The following MAST2 variants were observed in gnomAD, a reference collection of about 807,000 sequenced individuals.
MAST2 encodes the protein microtubule-associated serine/threonine-protein kinase 2.
Under a neutral mutation model 147.4 loss-of-function variants are expected in MAST2, and 70 were observed. That is an observed-to-expected ratio of 0.47 (90% CI 0.39 to 0.58). MAST2 has a LOEUF of 0.58. Among genes scored for constraint, MAST2 ranks in the 20% least tolerant of loss-of-function variants. MAST2 has a pLI of 0.00. For synonymous variants in MAST2, 869 were observed against 896.8 expected (o/e 0.97, Z 0.55); for missense variants, 2,080 against 2,302.3 (o/e 0.90, Z 1.98).
chr1:45,812,298 G>A (rs555913365), intron 1 of MAST2, among the ~76,000 whole-genome samples: 88 of 152,234 alleles, frequency 5.8e-4, no homozygotes, highest in Non-Finnish European at 1.0e-3. Flanking sequence ...AGTACTGGGA[G>A]CAGAGAGTCT....
intron 3 of MAST2, among the ~76,000 whole-genome samples, chr1:45,866,637 CTT>C (rs1270548306): frequency 6.6e-6 from 1 of 152,140 alleles, no homozygotes; most frequent in African/African-American, 2.4e-5. Context: ...CCTCTCGAGT[CTT>C]TGTTTCTATC....
intron 4 of MAST2, among the ~76,000 whole-genome samples, chr1:45,927,025 C>T (rs1654479543): frequency 6.6e-6 from 1 of 152,116 alleles, no homozygotes; most frequent in Non-Finnish European, 1.5e-5. Context: ...AATTTTAAAG[C>T]TGGGTGTCCG....
intron 3 of MAST2, among the ~76,000 whole-genome samples, chr1:45,834,458 G>A (rs1166874446): frequency 6.6e-6 from 1 of 151,958 alleles, no homozygotes; most frequent in Non-Finnish European, 1.5e-5. Flanking sequence ...TTTCTCAGAG[G>A]ACTTATTTTC....
chr1:46,027,369 G>T (rs1442318324), intron 16 of MAST2, among the ~76,000 whole-genome samples: 1 of 152,192 alleles, frequency 6.6e-6, no homozygotes, highest in African/African-American at 2.4e-5. Flanking sequence ...GATTGGGAGA[G>T]GGGACTAGGA....
At chr1:45,840,465 A>G (rs1054580169) in intron 3 of MAST2, among the ~76,000 whole-genome samples, 1 of 152,112 alleles carries the variant, frequency 6.6e-6, no homozygotes, top group African/African-American at 2.4e-5. Context: ...TCCACATCCT[A>G]CTCCTGCCAC....
Position 46,023,228 on chromosome 1 carries a change from T to G in MAST2, c.1486-5T>G. On this transcript the variant is annotated splice_polypyrimidine_tract_variant and splice_region_variant and intron_variant, in intron 13 of 28. Transcript: ENST00000361297. The surrounding 1 kb of genome is among the most constrained non-coding windows in gnomAD (Gnocchi z 4.9). ...CTGTCTCCTGCCTTTTCCCTTGTCT[T>G]CCAGGGCCATGGGGCATCTCTGCCA... 1 of 1,613,586 alleles carries G rather than the reference T, an allele frequency of 6.2e-7. No individual in the cohort carries two copies. Among genetic ancestry groups the G allele is most frequent in the South Asian group, 1.1e-5 (1 of 91,066 alleles).
intron 3 of MAST2, among the ~76,000 whole-genome samples, chr1:45,852,775 C>T (rs1441667900): frequency 1.3e-5 from 2 of 151,520 alleles, no homozygotes; most frequent in Admixed American, 6.6e-5. Flanking sequence ...TTGCATGTAT[C>T]CACTCAGTTC....
chr1:45,910,319 G>A (rs925440168), intron 4 of MAST2, among the ~76,000 whole-genome samples: 2 of 151,774 alleles, frequency 1.3e-5, no homozygotes, highest in Non-Finnish European at 2.9e-5. Context: ...AATATAAAGC[G>A]TAAAAAATGG....
At chr1:45,847,355 AT>A (rs1645471001) in intron 3 of MAST2, 1 of 498,566 alleles carries the variant, frequency 2.0e-6, no homozygotes, top group African/African-American at 2.0e-5. Context: ...TGCTAAATCA[AT>A]TTAATTTAAG....
chr1:45,850,145 G>A (rs1181998624), intron 3 of MAST2, among the ~76,000 whole-genome samples: 1 of 152,064 alleles, frequency 6.6e-6, no homozygotes, highest in Non-Finnish European at 1.5e-5. Flanking sequence ...TAGCTATTCT[G>A]ACTGGCATAA....
Position 45,949,736 on chromosome 1 carries a change from A to T in MAST2, c.501-9650A>T, listed in dbSNP as rs560746523. On this transcript the variant is annotated intron_variant, in intron 4 of 28. Transcript: ENST00000361297. ...TTACTAGGTATATACCCAGAGGAAT[A>T]TAAATCATTCTGCCATAAAGACACA... is the stretch of plus-strand genomic sequence containing the variant. Among the ~76,000 whole-genome samples, 5 of 152,348 alleles carry T rather than the reference A, an allele frequency of 3.3e-5. No homozygotes were observed. In the South Asian group the frequency reaches 1.0e-3, roughly 32 times the overall value.
chr1:45,989,163 G>A (rs983489044), intron 5 of MAST2, among the ~76,000 whole-genome samples: 1 of 152,040 alleles, frequency 6.6e-6, no homozygotes, highest in Non-Finnish European at 1.5e-5. Flanking sequence ...AATTCTTCTT[G>A]ATGTCTCTGG....
At chr1:45,880,749 G>A (rs763948394) in intron 3 of MAST2, among the ~76,000 whole-genome samples, 5 of 152,072 alleles carry the variant, frequency 3.3e-5, no homozygotes, top group Non-Finnish European at 5.9e-5. Context: ...GGGAGACCAA[G>A]GTGGGAGGAT....
intron 5 of MAST2, among the ~76,000 whole-genome samples, chr1:45,991,988 G>A (rs571439741): frequency 8.5e-5 from 13 of 152,060 alleles, no homozygotes; most frequent in East Asian, 5.8e-4. Context: ...CTCAGCCTCC[G>A]AAAGTGCCAG....
At chr1:45,945,578 G>C (rs1657910051) in intron 4 of MAST2, among the ~76,000 whole-genome samples, 1 of 152,082 alleles carries the variant, frequency 6.6e-6, no homozygotes, top group South Asian at 2.1e-4. Context: ...TGAGGAAGGA[G>C]GTAGAAAAGA....
intron 3 of MAST2, among the ~76,000 whole-genome samples, chr1:45,856,115 T>A (rs1645780100): frequency 2.0e-5 from 3 of 152,186 alleles, no homozygotes; most frequent in African/African-American, 7.2e-5. Flanking sequence ...TGTGAGCTTC[T>A]TGAAGAAGAC....
chr1:45,857,938 G>A (rs1208279332), intron 3 of MAST2, among the ~76,000 whole-genome samples: 1 of 139,840 alleles, frequency 7.2e-6, no homozygotes, highest in Non-Finnish European at 1.5e-5. Context: ...CAAAGGACAT[G>A]AACATATCCT....
chr1:45,946,103 T>TATCA (rs749435937), intron 4 of MAST2, among the ~76,000 whole-genome samples: 4 of 152,200 alleles, frequency 2.6e-5, no homozygotes, highest in Non-Finnish European at 4.4e-5. Context: ...AATAAACATG[T>TATCA]ATCAGGCACT....
chr1:45,854,165 C>T (rs1383519034), intron 3 of MAST2, among the ~76,000 whole-genome samples: 1 of 151,960 alleles, frequency 6.6e-6, no homozygotes, highest in Non-Finnish European at 1.5e-5. Context: ...ATGGCAAAAC[C>T]CTATCTACTA....
Sources: gnomAD v4.1 joint callset for allele counts (sites outside exome capture counted in the v4.1 genomes callset) on GRCh38, gnomAD v4.1.1 for gene constraint, Gnocchi (gnomAD v3.1) non-coding constraint, MANE v1.5 for transcripts, NCBI Gene and HGNC (gene_info 2026-07-23, HGNC 2026-07-21) for gene names.